ZFHX2: variants seen among roughly 807,000 people sequenced by gnomAD.
The protein encoded by ZFHX2 is zinc finger homeobox protein 2.
Under a neutral mutation model 164.8 loss-of-function variants are expected in ZFHX2, and 75 were observed. The observed-to-expected ratio is 0.46, with a 90% confidence interval of 0.38 to 0.55. ZFHX2 has a LOEUF of 0.55. ZFHX2 is among the 20% of genes least tolerant of loss of function. The probability of loss-of-function intolerance (pLI) is 0.00; values close to 1 mark genes in which losing one functional copy is unlikely to be tolerated. For missense variants in ZFHX2, 2,933 were observed against 3,308.0 expected, an observed-to-expected ratio of 0.89 and a Z score of 2.78; for synonymous variants, 1,217 against 1,351.4, an observed-to-expected ratio of 0.90 and a Z score of 2.18.
Position 23,524,161 on chromosome 14 carries a change from T to C in ZFHX2, c.5781A>G (p.Pro1927=). The C allele has an allele frequency of 6.5e-7, 1 of 1,536,036 alleles. No homozygotes were observed. The highest frequency in any genetic ancestry group is 1.2e-5 in the South Asian group (1 of 84,054). Residue 1927 remains proline (P), a synonymous_variant, in exon 9 of 10, where the codon CCA becomes CCG. Transcript: ENST00000419474. This position sits in a 1 kb window ranked among gnomAD's most constrained non-coding sequence, Gnocchi z 5.6. ...FRSTPGGVPS[P]AVKPPATATP... The stretch of plus-strand genomic sequence containing the variant: ...TGGCTGTGGCAGGCGGTTTCACTGC[T>C]GGACTAGGCACCCCCCCAGGGGTGC...
In ZFHX2 at chr14:23,526,558, A is replaced by T. The variant is rs1878736807; in HGVS notation, c.3384T>A (p.Ser1128=). Residue 1128 remains serine (S), a synonymous_variant, in exon 9 of 10, where the codon TCT becomes TCA. Coordinates refer to ENST00000419474, the MANE Select transcript of ZFHX2 (RefSeq NM_033400.3). ...CTTGGGCATCAGGTTCAGGGACTGG[A>T]GATGGGGCTGGAGAAGGGGGTTGGC... ...SPGQPPSPAP[S]PVPEPDAQAE... is the part of the protein sequence containing the mutation. 1.0e-5 allele frequency: 16 copies of T among 1,535,644 alleles called. No individual in the cohort carries two copies. The highest frequency in any genetic ancestry group is 1.1e-5 in the Non-Finnish European group (13 of 1,146,736).
At chr14:23,527,130 C>T (rs574023515) in intron 7 of ZFHX2, among the ~76,000 whole-genome samples, 157 bp from the exon 8 acceptor site, 1 of 152,334 alleles carries the variant, frequency 6.6e-6, no homozygotes, top group East Asian at 1.9e-4. Context: ...GCTGCTTTTG[C>T]TACAGATGAG....
intron 1 of ZFHX2, among the ~76,000 whole-genome samples, chr14:23,549,070 CT>C (rs1239700921): frequency 2.0e-5 from 3 of 152,176 alleles, no homozygotes; most frequent in Non-Finnish European, 4.4e-5. Flanking sequence ...TCCCTTCCCC[CT>C]CTTTACTACT....
rs1031334476 is a variant in ZFHX2 at position 23,535,819 on chromosome 14, C to T, written c.-49-445G>A. Reference sequence around the variant, plus strand: ...GTTGGTCAGGCTGGTCTCTAACTCCCGACCTCAAGTGATCCGCCCACCTCG... The same window carrying T: ...GTTGGTCAGGCTGGTCTCTAACTCCTGACCTCAAGTGATCCGCCCACCTCG... On this transcript the variant is annotated intron_variant, in intron 1 of 9. Transcript: ENST00000419474. This position sits in a 1 kb window ranked among gnomAD's most constrained non-coding sequence, Gnocchi z 4.5. Among the ~76,000 whole-genome samples, 3 of 151,966 alleles carry T rather than the reference C, an allele frequency of 2.0e-5. No homozygotes were observed. The highest frequency in any genetic ancestry group is 2.1e-4 in the South Asian group (1 of 4,818).
chr14:23,530,418 TA>T (rs35092523), intron 4 of ZFHX2: 144,692 of 689,926 alleles, frequency 0.21, 20,122 homozygotes, highest in African/African-American at 0.57. Flanking sequence ...ATCATTTTAT[TA>T]AGAGTCCAGT....
In ZFHX2 at chr14:23,523,033, C is replaced by A. The variant is rs1022374966; in HGVS notation, c.6740-92G>T. Reference sequence around the variant, plus strand: ...CCACCTCCAGCCACACACACCCGTTCCCAGCACCGGATTTCCATGCCCCTT... The same window carrying A: ...CCACCTCCAGCCACACACACCCGTTACCAGCACCGGATTTCCATGCCCCTT... On this transcript the variant is annotated intron_variant, in intron 9 of 9. Coordinates refer to ENST00000419474, the MANE Select transcript of ZFHX2 (RefSeq NM_033400.3). This position sits in a 1 kb window ranked among gnomAD's most constrained non-coding sequence, Gnocchi z 4.1. 5 of 1,413,176 alleles carry A rather than the reference C, an allele frequency of 3.5e-6. No homozygotes were observed. Among genetic ancestry groups the A allele is most frequent in the Non-Finnish European group, 4.6e-6 (5 of 1,088,530 alleles). 87.5% of individuals were successfully genotyped at this position (1,413,176 alleles called of 1,614,324 possible).
chr14:23,525,982 C>T lies in ZFHX2; in HGVS notation c.3960G>A (p.Leu1320=). ...GAGGTGGGGGAGGGGACAGGAAAGG[C>T]AATCCAGATATGAAGCCACTGGTGT... The part of the protein sequence containing the change: ...GPDTSGFISG[L]PFLSPPPPPL... Residue 1320 remains leucine, a synonymous_variant, in exon 9 of 10, where the codon TTG becomes TTA. Transcript: ENST00000419474. The surrounding 1 kb of genome is among the most constrained non-coding windows in gnomAD (Gnocchi z 5.9). 3 of 1,518,356 alleles carry T rather than the reference C, an allele frequency of 2.0e-6. No homozygotes were observed. The highest frequency in any genetic ancestry group is 2.6e-6 in the Non-Finnish European group (3 of 1,137,596). The allele number at this position is 1,518,356 out of a possible 1,614,324, so 94.1% of individuals were successfully genotyped here. A position where few individuals can be genotyped will look rare whatever the true frequency, so the allele number is the denominator to read the frequency against.
chr14:23,531,744 G>A, intron 3 of ZFHX2, 23 bp from the exon 4 acceptor site: 1 of 1,316,938 alleles, frequency 7.6e-7, no homozygotes. Context: ...GAAGAGGCTG[G>A]CTCAGGCCCA....
rs563809582 is a variant in ZFHX2 at position 23,535,569 on chromosome 14, ATTTATTTTAT to A, written c.-49-205_-49-196del. Among the ~76,000 whole-genome samples, 2 of 151,870 alleles carry A rather than the reference ATTTATTTTAT, an allele frequency of 1.3e-5. No homozygotes were observed. Among genetic ancestry groups the A allele is most frequent in the African/African-American group, 4.8e-5 (2 of 41,354 alleles). On this transcript the variant is annotated intron_variant, in intron 1 of 9. Coordinates refer to ENST00000419474, the MANE Select transcript of ZFHX2 (RefSeq NM_033400.3). The surrounding 1 kb of genome is among the most constrained non-coding windows in gnomAD (Gnocchi z 4.5). ...GTCCAACATCAGAACTCTTCATTTTATTTATTTTATTTTATTTTATTAATTAATTAATTTT... is the reference window on the plus strand; with the variant it reads ...GTCCAACATCAGAACTCTTCATTTTATTTATTTTATTAATTAATTAATTTT...
intron 4 of ZFHX2, chr14:23,530,820 C>G (rs1879445583): frequency 4.2e-6 from 1 of 238,384 alleles, no homozygotes; most frequent in Non-Finnish European, 8.2e-6. Context: ...GTTCCTGGCT[C>G]CTGCTGCCCA....
intron 6 of ZFHX2, chr14:23,528,763 G>A: frequency 7.1e-6 from 7 of 985,364 alleles, no homozygotes; most frequent in Non-Finnish European, 8.4e-6. Context: ...GGAAAATTCT[G>A]GCCCAGCCCT....
Position 23,522,773 on chromosome 14 carries a change from T to C in ZFHX2, c.6908A>G (p.Glu2303Gly). The C allele has an allele frequency of 3.3e-6, 5 of 1,536,310 alleles. No homozygotes were observed. Among genetic ancestry groups the C allele is most frequent in the Non-Finnish European group, 4.4e-6 (5 of 1,146,902 alleles). Residue 2303 changes from glutamate to glycine, a missense_variant, in exon 10 of 10, where the codon GAG (glutamate) becomes GGG (glycine). Coordinates refer to ENST00000419474, the MANE Select transcript of ZFHX2 (RefSeq NM_033400.3). ...TTDPVPGPPTEPLGDKVSSER... is the reference protein window; with the variant it reads ...TTDPVPGPPTGPLGDKVSSER... ...ACTGGAGACCTTGTCCCCCAAGGGC[T>C]CAGTAGGAGGGCCTGGGACAGGGTC...
At chr14:23,544,384 G>A (rs1005851057) in intron 1 of ZFHX2, 72 of 152,234 alleles carry the variant, frequency 4.7e-4, no homozygotes, top group African/African-American at 1.7e-3. Context: ...AAATGGAAAT[G>A]GAATAATTAT....
At position 23,521,827 on chromosome 14, in the gene ZFHX2, G is replaced by A; in HGVS notation, c.*135C>T. ...GTGGGGTGTGTGGTGCCCACTGAGGGTGGGAACTGAACAGTTCCTGTGAGG... is the reference window on the plus strand; with the variant it reads ...GTGGGGTGTGTGGTGCCCACTGAGGATGGGAACTGAACAGTTCCTGTGAGG... On this transcript the variant is annotated 3_prime_UTR_variant, in exon 10 of 10. Coordinates refer to ENST00000419474, the MANE Select transcript of ZFHX2 (RefSeq NM_033400.3). The A allele has an allele frequency of 1.4e-6, 2 of 1,422,052 alleles. No individual in the cohort carries two copies. Among genetic ancestry groups the A allele is most frequent in the South Asian group, 1.5e-5 (1 of 68,500 alleles). The allele number at this position is 1,422,052 out of a possible 1,614,324, so 88.1% of individuals were successfully genotyped here.
rs1030362897 is a variant in ZFHX2 at position 23,533,847 on chromosome 14, G to C, written c.1479C>G (p.Pro493=). The C allele has an allele frequency of 5.2e-6, 8 of 1,539,470 alleles. No individual in the cohort carries two copies. Among genetic ancestry groups the C allele is most frequent in the Non-Finnish European group, 6.1e-6 (7 of 1,148,240 alleles). ...CSYCSAGGAH[P]RLARGESYNC... ...TGTAGCTCTCTCCACGAGCAAGGCGGGGGTGGGCGCCCCCAGCACTGCAGT... is the reference window on the plus strand; with the variant it reads ...TGTAGCTCTCTCCACGAGCAAGGCGCGGGTGGGCGCCCCCAGCACTGCAGT... Residue 493 remains proline, a synonymous_variant, in exon 2 of 10, where the codon CCC becomes CCG. Coordinates refer to ENST00000419474, the MANE Select transcript of ZFHX2 (RefSeq NM_033400.3). This position sits in a 1 kb window ranked among gnomAD's most constrained non-coding sequence, Gnocchi z 4.8.
intron 1 of ZFHX2, among the ~76,000 whole-genome samples, chr14:23,544,975 C>G (rs1595188273): frequency 6.6e-6 from 1 of 151,944 alleles, no homozygotes; most frequent in Admixed American, 6.6e-5. Context: ...CCTTTCATGT[C>G]TCCCTTCCCG....
At position 23,526,990 on chromosome 14, in the gene ZFHX2, C is replaced by G. The variant is rs1006398022; in HGVS notation, c.3136-17G>C. 9.4e-6 allele frequency: 14 copies of G among 1,490,276 alleles called. No individual in the cohort carries two copies. Among genetic ancestry groups the G allele is most frequent in the Non-Finnish European group, 1.2e-5 (13 of 1,125,656 alleles). The allele number at this position is 1,490,276 out of a possible 1,614,324, so 92.3% of individuals were successfully genotyped here. A position where few individuals can be genotyped will look rare whatever the true frequency, so the allele number is the denominator to read the frequency against. On this transcript the variant is annotated splice_polypyrimidine_tract_variant and intron_variant, in intron 7 of 9. Coordinates refer to ENST00000419474, the MANE Select transcript of ZFHX2 (RefSeq NM_033400.3). ...AGTTGTAGCCTGCAATGAGAAAAAGCCTAGTGGCTTCACCACCACCCCCCA... is the reference window on the plus strand; with the variant it reads ...AGTTGTAGCCTGCAATGAGAAAAAGGCTAGTGGCTTCACCACCACCCCCCA...
upstream of ZFHX2, among the ~76,000 whole-genome samples, chr14:23,554,216 AG>A (rs1882179201): frequency 1.3e-5 from 2 of 152,142 alleles, no homozygotes; most frequent in Non-Finnish European, 2.9e-5. Context: ...TTATAACATA[AG>A]GAAAAATTAG....
intron 6 of ZFHX2, among the ~76,000 whole-genome samples, 163 bp from the exon 7 acceptor site, chr14:23,527,967 C>T (rs1430088064): frequency 6.9e-6 from 1 of 144,348 alleles, no homozygotes; most frequent in African/African-American, 2.6e-5. Flanking sequence ...AGTGCAGTGA[C>T]GTGATCTCGG....
Sources: gnomAD v4.1 joint callset for allele counts (sites outside exome capture counted in the v4.1 genomes callset) on GRCh38, gnomAD v4.1.1 for gene constraint, Gnocchi (gnomAD v3.1) non-coding constraint, MANE v1.5 for transcripts, NCBI Gene and HGNC (gene_info 2026-07-23, HGNC 2026-07-21) for gene names.